SORCS3: variants seen among roughly 807,000 people sequenced by gnomAD.
The protein encoded by SORCS3 is VPS10 domain-containing receptor SorCS3.
In SORCS3, 57 loss-of-function variants were observed where a neutral mutation model predicts 146.3. The observed-to-expected ratio is 0.39, with a 90% confidence interval of 0.31 to 0.49. The LOEUF (loss-of-function observed/expected upper bound fraction) is 0.49. SORCS3 is among the 20% of genes least tolerant of loss of function. The pLI is 0.92. For synonymous variants in SORCS3, 653 were observed against 618.5 expected, an observed-to-expected ratio of 1.06 and a Z score of -0.83; for missense variants, 1,341 against 1,575.5, an observed-to-expected ratio of 0.85 and a Z score of 2.52.
chr10:105,261,543 G>C (rs2056960456), intron 25 of SORCS3, among the ~76,000 whole-genome samples: 1 of 152,170 alleles, frequency 6.6e-6, no homozygotes. Flanking sequence ...TAATGTTTGA[G>C]AAGCCCTGGA....
At chr10:104,994,038 C>T (rs1456115765) in intron 4 of SORCS3, among the ~76,000 whole-genome samples, 4 of 152,146 alleles carry the variant, frequency 2.6e-5, no homozygotes, top group Admixed American at 6.5e-5. Context: ...TGTTCCCTTC[C>T]AGCACATGTC....
Position 104,858,003 on chromosome 10 carries a change from A to G in SORCS3, c.695+15144A>G, listed in dbSNP as rs60646733. 8.9e-3 allele frequency among the ~76,000 whole-genome samples: 1,361 copies of G among 152,258 alleles called. 19 individuals are homozygous for G. The highest frequency in any genetic ancestry group is 0.031 in the African/African-American group (1,282 of 41,542). ...TGAAACTTTGATGCTTCATATTGGC[A>G]TCCTCTTCAAACACATCTGCCTGAA... On this transcript the variant is annotated intron_variant, in intron 2 of 26. Coordinates refer to ENST00000369701, the MANE Select transcript of SORCS3 (RefSeq NM_014978.3).
intron 6 of SORCS3, among the ~76,000 whole-genome samples, chr10:105,095,248 G>A (rs12768062): frequency 0.13 from 19,263 of 152,134 alleles, 1,620 homozygotes; most frequent in Middle Eastern, 0.19. Context: ...CCCCGATCCA[G>A]ACTAACTTGG....
At chr10:104,905,742 G>A (rs897521124) in intron 2 of SORCS3, among the ~76,000 whole-genome samples, 3 of 152,184 alleles carry the variant, frequency 2.0e-5, no homozygotes, top group Non-Finnish European at 4.4e-5. Context: ...CTCTCTGAGA[G>A]TGACAAAGAT....
chr10:104,833,766 A>G (rs1460071152), intron 1 of SORCS3, among the ~76,000 whole-genome samples: 1 of 152,196 alleles, frequency 6.6e-6, no homozygotes, highest in African/African-American at 2.4e-5. Flanking sequence ...CCAATCACTG[A>G]CAGCTCCCAA....
intron 12 of SORCS3, among the ~76,000 whole-genome samples, chr10:105,165,335 G>A (rs2056303429): frequency 6.6e-6 from 1 of 152,144 alleles, no homozygotes; most frequent in Non-Finnish European, 1.5e-5. Context: ...ATCACAAGGA[G>A]GGGAGGCATT....
intron 1 of SORCS3, among the ~76,000 whole-genome samples, chr10:104,722,621 G>A (rs990463840): frequency 2.0e-4 from 30 of 152,186 alleles, no homozygotes; most frequent in Non-Finnish European, 1.9e-4. Flanking sequence ...ACTTTTTTTG[G>A]TTGGTAAGCT....
At chr10:105,262,776 A>G (rs768525621) in intron 26 of SORCS3, among the ~76,000 whole-genome samples, 18 of 152,198 alleles carry the variant, frequency 1.2e-4, no homozygotes, top group Non-Finnish European at 2.5e-4. Flanking sequence ...CTATAAAGCA[A>G]AAGTATTATA....
intron 2 of SORCS3, among the ~76,000 whole-genome samples, chr10:104,851,559 G>T (rs2018274403): frequency 6.6e-6 from 1 of 152,150 alleles, no homozygotes; most frequent in Non-Finnish European, 1.5e-5. Flanking sequence ...ATTTATAGGT[G>T]GATGCATTTC....
At chr10:105,134,372 GCT>G (rs1299353169) in intron 7 of SORCS3, among the ~76,000 whole-genome samples, 1 of 151,970 alleles carries the variant, frequency 6.6e-6, no homozygotes, top group Non-Finnish European at 1.5e-5. Flanking sequence ...CAGAAGATCA[GCT>G]CTCTCAGTCC....
chr10:105,105,986 G>A (rs57885109), intron 7 of SORCS3, among the ~76,000 whole-genome samples: 12,782 of 152,052 alleles, frequency 0.084, 632 homozygotes, highest in Middle Eastern at 0.12. Context: ...GTCCCAAAGC[G>A]TTTACTCCCA....
chr10:105,155,223 C>T (rs2056198307), intron 9 of SORCS3, among the ~76,000 whole-genome samples: 1 of 152,120 alleles, frequency 6.6e-6, no homozygotes, highest in Non-Finnish European at 1.5e-5. Context: ...AATTTGTTAA[C>T]CTGCTCACCT....
intron 3 of SORCS3, among the ~76,000 whole-genome samples, chr10:104,976,197 C>T (rs1292035911): frequency 6.6e-6 from 1 of 152,122 alleles, no homozygotes. Context: ...CTACAATGAA[C>T]TCAAACAAAT....
intron 1 of SORCS3, among the ~76,000 whole-genome samples, chr10:104,673,216 C>T (rs2015875602): frequency 6.6e-6 from 1 of 152,114 alleles, no homozygotes; most frequent in Non-Finnish European, 1.5e-5. Flanking sequence ...CTTCCAATCT[C>T]TGCTTTTGAT....
At chr10:104,975,429 G>A (rs1301620956) in intron 3 of SORCS3, among the ~76,000 whole-genome samples, 2 of 152,084 alleles carry the variant, frequency 1.3e-5, no homozygotes, top group African/African-American at 4.8e-5. Context: ...AGAAATGGAA[G>A]AACATTCCAT....
intron 1 of SORCS3, among the ~76,000 whole-genome samples, chr10:104,762,542 G>A (rs920974258): frequency 1.3e-5 from 2 of 152,058 alleles, no homozygotes; most frequent in African/African-American, 4.8e-5. Flanking sequence ...CATTAGAAAC[G>A]CTTGGTGATA....
chr10:104,726,188 T>G (rs1309428375), intron 1 of SORCS3, among the ~76,000 whole-genome samples: 1 of 152,170 alleles, frequency 6.6e-6, no homozygotes, highest in Non-Finnish European at 1.5e-5. Context: ...CTTATCCAAG[T>G]GTTCAGTGGC....
At chr10:105,097,299 A>G (rs915870756) in intron 6 of SORCS3, among the ~76,000 whole-genome samples, 2 of 152,264 alleles carry the variant, frequency 1.3e-5, no homozygotes, top group African/African-American at 2.4e-5. Flanking sequence ...TAAACAGGGC[A>G]AAGCCAACCA....
chr10:104,952,504 G>A (rs767592614), intron 3 of SORCS3, among the ~76,000 whole-genome samples: 10 of 152,016 alleles, frequency 6.6e-5, no homozygotes, highest in South Asian at 2.1e-4. Context: ...CGCATTACTC[G>A]AAATTATGTA....
Sources: allele counts gnomAD v4.1 joint callset (sites outside exome capture counted in the v4.1 genomes callset), GRCh38; gene constraint gnomAD v4.1.1; transcripts MANE v1.5; gene names NCBI Gene and HGNC (gene_info 2026-07-23, HGNC 2026-07-21).